Variants in PPARGC1A observed in about 807,000 individuals in gnomAD.
PPARGC1A encodes PPARG coactivator 1 alpha.
PPARGC1A carries 25 observed loss-of-function variants against 88.7 expected under a neutral mutation model. That is an observed-to-expected ratio of 0.28 (90% CI 0.21 to 0.39). The LOEUF is 0.39. Among genes scored for constraint, PPARGC1A ranks in the 10% least tolerant of loss-of-function variants. The pLI is 1.00. For missense variants in PPARGC1A, 880 were observed against 968.7 expected, an observed-to-expected ratio of 0.91 and a Z score of 1.22; for synonymous variants, 363 against 355.6, an observed-to-expected ratio of 1.02 and a Z score of -0.24.
chr4:23,934,722 T>C, the PPARGC1A span, among the ~76,000 whole-genome samples: 2 of 152,304 alleles, frequency 1.3e-5, no homozygotes, highest in Admixed American at 6.5e-5. Context: ...TTAGGCACTA[T>C]GATATAGGCA....
At chr4:24,359,671 C>T in the PPARGC1A span, among the ~76,000 whole-genome samples, 1 of 152,044 alleles carries the variant, frequency 6.6e-6, no homozygotes, top group Non-Finnish European at 1.5e-5. Context: ...TGACTGGTGT[C>T]CTTATCAGAA....
the PPARGC1A span, among the ~76,000 whole-genome samples, chr4:24,004,936 T>C: frequency 6.6e-6 from 1 of 152,172 alleles, no homozygotes; most frequent in African/African-American, 2.4e-5. Flanking sequence ...CCATTGTAGG[T>C]ACGCAAGAAA....
chr4:24,378,646 T>G, the PPARGC1A span, among the ~76,000 whole-genome samples: 5 of 152,226 alleles, frequency 3.3e-5, no homozygotes, highest in Non-Finnish European at 7.3e-5. Context: ...GATGTTACTT[T>G]GAAAATCTTA....
chr4:24,151,417 C>T, the PPARGC1A span, among the ~76,000 whole-genome samples: 5 of 152,192 alleles, frequency 3.3e-5, no homozygotes, highest in Non-Finnish European at 5.9e-5. Flanking sequence ...AAGGGCATCT[C>T]GTCATGAAGG....
At chr4:23,988,033 A>T in the PPARGC1A span, among the ~76,000 whole-genome samples, 19 of 151,588 alleles carry the variant, frequency 1.3e-4, no homozygotes, top group African/African-American at 4.6e-4. Flanking sequence ...GAGTGAGAAC[A>T]TGTGGTGTTT....
At chr4:23,795,968 T>C (rs1717524257) in intron 12 of PPARGC1A, 43 bp from the exon 13 acceptor site, 8 of 1,356,492 alleles carry the variant, frequency 5.9e-6, no homozygotes, top group African/African-American at 2.9e-5. Context: ...ACTTTGCTGA[T>C]GGCCATTAAC....
At chr4:24,245,539 A>T in the PPARGC1A span, among the ~76,000 whole-genome samples, 18 of 152,224 alleles carry the variant, frequency 1.2e-4, no homozygotes, top group Non-Finnish European at 2.4e-4. Context: ...ACTTTAAATG[A>T]TGCCAAGTTC....
chr4:24,444,369 C>T, the PPARGC1A span, among the ~76,000 whole-genome samples: 1 of 151,962 alleles, frequency 6.6e-6, no homozygotes, highest in Non-Finnish European at 1.5e-5. Flanking sequence ...TTGCCACAGT[C>T]AGACCTGTGT....
chr4:24,448,107 T>A, the PPARGC1A span, among the ~76,000 whole-genome samples: 2 of 152,208 alleles, frequency 1.3e-5, no homozygotes, highest in Admixed American at 6.5e-5. Flanking sequence ...TAGATTTTTT[T>A]AAATCTCCCC....
the PPARGC1A span, among the ~76,000 whole-genome samples, chr4:24,039,413 C>T: frequency 6.6e-6 from 1 of 152,136 alleles, no homozygotes. Context: ...TAATATTCTA[C>T]ATTTGGGAGG....
the PPARGC1A span, among the ~76,000 whole-genome samples, chr4:24,059,587 G>A: frequency 3.3e-5 from 5 of 152,272 alleles, no homozygotes; most frequent in Admixed American, 2.0e-4. Context: ...CTCTCCACCC[G>A]TGCCCATCGC....
chr4:24,271,049 G>T, the PPARGC1A span, among the ~76,000 whole-genome samples: 1 of 152,112 alleles, frequency 6.6e-6, no homozygotes, highest in African/African-American at 2.4e-5. Flanking sequence ...AAAAATCGCT[G>T]CCTTATATTT....
At chr4:24,087,224 T>C in the PPARGC1A span, among the ~76,000 whole-genome samples, 1 of 152,198 alleles carries the variant, frequency 6.6e-6, no homozygotes, top group African/African-American at 2.4e-5. Flanking sequence ...GCCAATCTCT[T>C]ATTCTCCCTC....
At chr4:23,945,959 C>G in the PPARGC1A span, among the ~76,000 whole-genome samples, 1 of 152,138 alleles carries the variant, frequency 6.6e-6, no homozygotes, top group African/African-American at 2.4e-5. Flanking sequence ...AGATTCAGAA[C>G]TGGTGCAACC....
At chr4:24,280,568 G>GA in the PPARGC1A span, among the ~76,000 whole-genome samples, 6 of 151,928 alleles carry the variant, frequency 3.9e-5, no homozygotes, top group Non-Finnish European at 7.4e-5. Flanking sequence ...AGAGAGGAAA[G>GA]AAAAAAACTT....
chr4:23,816,209 T>C (rs1358578896), intron 7 of PPARGC1A, among the ~76,000 whole-genome samples: 1 of 152,150 alleles, frequency 6.6e-6, no homozygotes, highest in African/African-American at 2.4e-5. Flanking sequence ...AATGGGACAC[T>C]GTACTCCACT....
the PPARGC1A span, among the ~76,000 whole-genome samples, chr4:24,227,048 C>T: frequency 6.6e-6 from 1 of 151,844 alleles, no homozygotes; most frequent in Non-Finnish European, 1.5e-5. Context: ...TGCATTCAGC[C>T]AAAGCTGGGT....
the PPARGC1A span, among the ~76,000 whole-genome samples, chr4:23,921,173 T>C: frequency 6.6e-6 from 1 of 152,230 alleles, no homozygotes; most frequent in Non-Finnish European, 1.5e-5. Context: ...GGGGCTGACT[T>C]TGATTCTTCA....
At chr4:24,064,276 C>A in the PPARGC1A span, among the ~76,000 whole-genome samples, 1 of 152,150 alleles carries the variant, frequency 6.6e-6, no homozygotes, top group Non-Finnish European at 1.5e-5. Flanking sequence ...CAATGCGATA[C>A]CCTGGCTCTA....
Sources: gnomAD v4.1 joint callset for allele counts (sites outside exome capture counted in the v4.1 genomes callset) on GRCh38, gnomAD v4.1.1 for gene constraint, MANE v1.5 for transcripts, NCBI Gene and HGNC (gene_info 2026-07-23, HGNC 2026-07-21) for gene names.